Variants in TSEN2 observed in about 807,000 individuals in gnomAD.
TSEN2 encodes the protein tRNA splicing endonuclease subunit 2, also known as tRNA-splicing endonuclease subunit Sen2.
In TSEN2, 54 loss-of-function variants were observed where a neutral mutation model predicts 59.2. The ratio of observed to expected loss-of-function variants is 0.91; its 90% CI spans 0.73 to 1.14. The LOEUF is 1.14. Among genes scored for constraint, TSEN2 ranks in the 50% most tolerant of loss-of-function variants. TSEN2 has a pLI of 0.00. For synonymous variants in TSEN2, 195 were observed against 198.2 expected, an observed-to-expected ratio of 0.98 and a Z score of 0.14; for missense variants, 636 against 576.2, an observed-to-expected ratio of 1.10 and a Z score of -1.06.
At chr3:12,520,293 G>A (rs993655882) in intron 8 of TSEN2, among the ~76,000 whole-genome samples, 18 of 152,100 alleles carry the variant, frequency 1.2e-4, no homozygotes, top group Middle Eastern at 3.4e-3. Context: ...CCACCATGCC[G>A]GCCGTATTGT....
chr3:12,525,978 T>A (rs768600773), intron 8 of TSEN2, among the ~76,000 whole-genome samples: 5 of 152,276 alleles, frequency 3.3e-5, no homozygotes, highest in Middle Eastern at 3.4e-3. Context: ...TATAATCTTA[T>A]GGGACCACGG....
chr3:12,489,546 G>T (rs1235822058), intron 1 of TSEN2, among the ~76,000 whole-genome samples: 1 of 152,210 alleles, frequency 6.6e-6, no homozygotes, highest in Admixed American at 6.5e-5. Context: ...GGAGTAGAAA[G>T]ATTACCACTC....
In TSEN2 at chr3:12,532,641, CT is replaced by C. The variant is rs746747532; in HGVS notation, c.1339-12del. Reference sequence around the variant, plus strand: ...TTACATTTCTGTTTTAAGAAATGGTCTTTTTTTTTATTGGTTGTAGGAGGTG... The same window carrying C: ...TTACATTTCTGTTTTAAGAAATGGTCTTTTTTTTATTGGTTGTAGGAGGTG... On this transcript the variant is annotated intron_variant, in intron 11 of 11. Transcript: ENST00000284995. 6.0e-5 allele frequency: 95 copies of C among 1,580,174 alleles called. No individual in the cohort carries two copies. The highest frequency in any genetic ancestry group is 7.3e-5 in the Non-Finnish European group (84 of 1,152,962).
downstream of TSEN2, among the ~76,000 whole-genome samples, chr3:12,535,634 C>T (rs577146808): frequency 8.3e-4 from 126 of 152,198 alleles, no homozygotes; most frequent in African/African-American, 2.8e-3. Flanking sequence ...TGAGTTCAAG[C>T]GATTCTCCTG....
intron 8 of TSEN2, among the ~76,000 whole-genome samples, chr3:12,526,489 A>G (rs1286415657): frequency 1.3e-5 from 2 of 152,250 alleles, no homozygotes; most frequent in Admixed American, 6.5e-5. Context: ...GTGATATCAC[A>G]TAGCCTATGT....
chr3:12,531,802 C>G, intron 11 of TSEN2, 143 bp downstream of exon 11: 1 of 677,592 alleles, frequency 1.5e-6, no homozygotes, highest in Non-Finnish European at 2.6e-6. Flanking sequence ...AAGTCTCTCA[C>G]CTTTTCCCCA....
downstream of TSEN2, among the ~76,000 whole-genome samples, chr3:12,538,286 G>T (rs114186393): frequency 6.6e-6 from 1 of 152,194 alleles, no homozygotes; most frequent in Non-Finnish European, 1.5e-5. Context: ...GAATCAAGCC[G>T]CACCAAAACT....
intron 2 of TSEN2, 121 bp downstream of exon 2, chr3:12,490,110 C>A (rs750199070): frequency 3.0e-6 from 3 of 999,154 alleles, no homozygotes; most frequent in African/African-American, 1.6e-5. Context: ...TCTTTCCTTG[C>A]GGTTTGGTCC....
intron 6 of TSEN2, among the ~76,000 whole-genome samples, chr3:12,508,745 T>C (rs1207070609): frequency 6.6e-6 from 1 of 152,254 alleles, no homozygotes; most frequent in Non-Finnish European, 1.5e-5. Flanking sequence ...AAACTGTATT[T>C]ACCTCAGTTA....
chr3:12,492,211 T>A lies in TSEN2; in HGVS notation c.265T>A (p.Trp89Arg), dbSNP rs753594243. 6.2e-7 allele frequency: 1 copy of A among 1,613,444 alleles called. No homozygotes were observed. Among genetic ancestry groups the A allele is most frequent in the Admixed American group, 1.7e-5 (1 of 60,020 alleles). The part of the protein sequence containing the change: ...TISDPKLVAK[W>R]KDMKTNMPII... Reference sequence around the variant, plus strand: ...TTCAGATCCTAAACTGGTTGCTAAATGGAAAGGTAAAGTTGTTGTATCATT... The same window carrying A: ...TTCAGATCCTAAACTGGTTGCTAAAAGGAAAGGTAAAGTTGTTGTATCATT... The change falls in exon 3 of 12, where the codon TGG (tryptophan) becomes AGG (arginine). Residue 89 changes from tryptophan to arginine, a missense_variant. Transcript: ENST00000284995.
chr3:12,528,993 C>CT, intron 9 of TSEN2, 69 bp downstream of exon 9: 1 of 1,534,844 alleles, frequency 6.5e-7, no homozygotes, highest in South Asian at 1.1e-5. Context: ...TCTAATTTAA[C>CT]TTTTTGGTGC....
At chr3:12,502,719 A>G (rs1161953678) in intron 4 of TSEN2, among the ~76,000 whole-genome samples, 1 of 150,666 alleles carries the variant, frequency 6.6e-6, no homozygotes, top group East Asian at 1.9e-4. Flanking sequence ...AGCAAATAAA[A>G]TGAAACTATA....
chr3:12,501,614 C>CTT (rs34388768), intron 4 of TSEN2, among the ~76,000 whole-genome samples: 2 of 147,254 alleles, frequency 1.4e-5, no homozygotes, highest in African/African-American at 4.9e-5. Flanking sequence ...CATATTCAGT[C>CTT]TTTTTTTTTT....
intron 1 of TSEN2, among the ~76,000 whole-genome samples, chr3:12,487,058 T>G (rs2052691855): frequency 6.6e-6 from 1 of 152,228 alleles, no homozygotes; most frequent in Non-Finnish European, 1.5e-5. Context: ...TACCTAGGGG[T>G]GGAGTTGCTG....
At chr3:12,518,673 T>C (rs149428259) in intron 7 of TSEN2, among the ~76,000 whole-genome samples, 69 of 151,860 alleles carry the variant, frequency 4.5e-4, no homozygotes, top group Non-Finnish European at 7.8e-4. Flanking sequence ...ACCCAACTTA[T>C]TCAAAGATAT....
At chr3:12,517,990 C>G (rs2056305043) in intron 7 of TSEN2, among the ~76,000 whole-genome samples, 1 of 151,974 alleles carries the variant, frequency 6.6e-6, no homozygotes, top group Non-Finnish European at 1.5e-5. Context: ...CTGGGACAAA[C>G]TGAGCCAGTC....
At chr3:12,491,951 A>T (rs559162260) in intron 2 of TSEN2, among the ~76,000 whole-genome samples, 185 bp from the exon 3 acceptor site, 2 of 152,344 alleles carry the variant, frequency 1.3e-5, no homozygotes, top group African/African-American at 2.4e-5. Context: ...GGGAGGGCCT[A>T]CGTAGACTAT....
At chr3:12,539,044 A>C in intron 10 of TSEN2, 1 of 392,508 alleles carries the variant, frequency 2.5e-6, no homozygotes, top group Non-Finnish European at 4.9e-6. Flanking sequence ...GAGCTCCTTT[A>C]AAAGGAGTGA....
chr3:12,507,987 C>T (rs552026945), intron 6 of TSEN2, among the ~76,000 whole-genome samples: 17 of 152,102 alleles, frequency 1.1e-4, no homozygotes, highest in Non-Finnish European at 1.5e-4. Flanking sequence ...AAAACGAATG[C>T]CAGATGGGGG....
Sources: gnomAD v4.1 joint callset for allele counts (sites outside exome capture counted in the v4.1 genomes callset) on GRCh38, gnomAD v4.1.1 for gene constraint, MANE v1.5 for transcripts, NCBI Gene and HGNC (gene_info 2026-07-23, HGNC 2026-07-21) for gene names.